Variants in SORCS2 observed in about 807,000 individuals in gnomAD.
The protein encoded by SORCS2 is VPS10 domain-containing receptor SorCS2.
A neutral mutation model predicts 141.6 loss-of-function variants in SORCS2; 100 were observed. That is an observed-to-expected ratio of 0.71 (90% CI 0.60 to 0.83). The LOEUF (loss-of-function observed/expected upper bound fraction) is 0.83. Ranked by LOEUF, SORCS2 falls within the 40% of genes least tolerant of loss-of-function variation. The pLI is 0.00. For missense variants in SORCS2, 1,646 were observed against 1,560.2 expected, an observed-to-expected ratio of 1.05 and a Z score of -0.93; for synonymous variants, 789 against 676.9, an observed-to-expected ratio of 1.17 and a Z score of -2.57.
rs57612829 is a variant in SORCS2, at chr4:7,692,040, C to T, written c.1591+2452C>T. Among the ~76,000 whole-genome samples the T allele has an allele frequency of 1.9e-3, 296 of 152,256 alleles. 1 individual carries two copies. The highest frequency in any genetic ancestry group is 6.8e-3 in the Middle Eastern group (2 of 294). ...GCAGGAGACTACACTTCTATTTTAT[C>T]CACTTCTATTCAGTCTTGGCCAGGG... On this transcript the variant is annotated intron_variant, in intron 11 of 26. Transcript: ENST00000507866.
intron 3 of SORCS2, among the ~76,000 whole-genome samples, chr4:7,634,243 G>A (rs1053028352): frequency 1.3e-5 from 2 of 152,050 alleles, no homozygotes; most frequent in South Asian, 2.1e-4. Context: ...GCATGGTGGC[G>A]GGCACCTGTA....
At chr4:7,569,422 G>T (rs1577767064) in intron 3 of SORCS2, among the ~76,000 whole-genome samples, 1 of 152,310 alleles carries the variant, frequency 6.6e-6, no homozygotes, top group Non-Finnish European at 1.5e-5. Flanking sequence ...TGGGGCAGGA[G>T]AATTGCTTGA....
chr4:7,298,423 G>A (rs1717217829), intron 1 of SORCS2, among the ~76,000 whole-genome samples: 1 of 152,180 alleles, frequency 6.6e-6, no homozygotes. Context: ...TGACATACAA[G>A]CAACAGTGCA....
In SORCS2 at chr4:7,663,280, AAGTGAGTGAGTGAATG is replaced by A. The variant is rs1395534986; in HGVS notation, c.953-1067_953-1052del. Reference sequence around the variant, plus strand: ...TGAATAAGTGAGTGAGTGAATGAATAAGTGAGTGAGTGAATGAGTGACTGAGTGAATGAATGAGTGA... The same window carrying A: ...TGAATAAGTGAGTGAGTGAATGAATAAGTGACTGAGTGAATGAATGAGTGA... On this transcript the variant is annotated intron_variant, in intron 6 of 26. Coordinates refer to ENST00000507866, the MANE Select transcript of SORCS2 (RefSeq NM_020777.3). The surrounding 1 kb of genome is among the most constrained non-coding windows in gnomAD (Gnocchi z 4.8). 1.1e-4 allele frequency among the ~76,000 whole-genome samples: 16 copies of A among 148,262 alleles called. No individual in the cohort carries two copies. Among genetic ancestry groups the A allele is most frequent in the Admixed American group, 6.7e-5 (1 of 14,960 alleles).
At chr4:7,377,985 C>T (rs1307984645) in intron 1 of SORCS2, among the ~76,000 whole-genome samples, 1 of 152,200 alleles carries the variant, frequency 6.6e-6, no homozygotes, top group Non-Finnish European at 1.5e-5. Flanking sequence ...TGATTTTCTT[C>T]TCTCCAAATA....
At chr4:7,738,551 G>A (rs574949142) in intron 26 of SORCS2, among the ~76,000 whole-genome samples, 40 of 152,252 alleles carry the variant, frequency 2.6e-4, no homozygotes, top group South Asian at 4.1e-4. Flanking sequence ...ACCTCTCACC[G>A]TTGCTGCGGG....
chr4:7,661,593 T>C, intron 6 of SORCS2, 29 bp downstream of exon 6: 1 of 1,548,852 alleles, frequency 6.5e-7, no homozygotes, highest in Non-Finnish European at 8.7e-7. Flanking sequence ...AGGCACCGGG[T>C]ATCCCTGAGT....
chr4:7,604,677 C>T (rs1254426614), intron 3 of SORCS2, among the ~76,000 whole-genome samples: 3 of 152,224 alleles, frequency 2.0e-5, no homozygotes, highest in Non-Finnish European at 1.5e-5. Context: ...GAAGAAGGTG[C>T]CTGCTTCCCC....
At chr4:7,481,678 A>G in intron 2 of SORCS2, among the ~76,000 whole-genome samples, 1 of 152,040 alleles carries the variant, frequency 6.6e-6, no homozygotes, top group East Asian at 1.9e-4. Context: ...GCCGTAGGGA[A>G]GGGTCTCCTG....
chr4:7,385,859 G>A (rs1205189075), intron 1 of SORCS2, among the ~76,000 whole-genome samples: 2 of 152,210 alleles, frequency 1.3e-5, no homozygotes, highest in African/African-American at 4.8e-5. Flanking sequence ...CTTGCTGGGG[G>A]AGAAAGGAAA....
rs1299998603 is a variant in SORCS2 at position 7,648,232 on chromosome 4, G to A, written c.814-5902G>A. ...GAGGAGGAAGACACGGAGGCTGGAG[G>A]AGCAGGGCTGGTTGAGAAAGGAGCC... On this transcript the variant is annotated intron_variant, in intron 4 of 26. Transcript: ENST00000507866. This position sits in a 1 kb window ranked among gnomAD's most constrained non-coding sequence, Gnocchi z 4.2. Among the ~76,000 whole-genome samples the A allele has an allele frequency of 1.3e-5, 2 of 152,128 alleles. No individual in the cohort carries two copies. The highest frequency in any genetic ancestry group is 1.3e-4 in the Admixed American group (2 of 15,276).
At chr4:7,448,081 A>T (rs1728116109) in intron 2 of SORCS2, among the ~76,000 whole-genome samples, 1 of 152,180 alleles carries the variant, frequency 6.6e-6, no homozygotes, top group Non-Finnish European at 1.5e-5. Context: ...TCCAGGAAAC[A>T]CATCCCTGTA....
intron 2 of SORCS2, among the ~76,000 whole-genome samples, chr4:7,495,841 C>T (rs1273405502): frequency 6.6e-6 from 1 of 152,222 alleles, no homozygotes; most frequent in Non-Finnish European, 1.5e-5. Context: ...AGACCAGGGG[C>T]CGCAGCCCCC....
intron 1 of SORCS2, among the ~76,000 whole-genome samples, chr4:7,348,954 G>A (rs960209592): frequency 3.3e-5 from 5 of 152,190 alleles, no homozygotes; most frequent in Admixed American, 2.0e-4. Context: ...TTTGGAGCAT[G>A]ATAGCAGCAT....
At chr4:7,230,536 G>T (rs1229438783) in intron 1 of SORCS2, among the ~76,000 whole-genome samples, 3 of 143,122 alleles carry the variant, frequency 2.1e-5, no homozygotes, top group Non-Finnish European at 4.6e-5. Flanking sequence ...AAGTCTTCCA[G>T]TGTCTGGGCA....
chr4:7,727,806 C>T (rs1727327695), intron 21 of SORCS2, among the ~76,000 whole-genome samples: 1 of 152,124 alleles, frequency 6.6e-6, no homozygotes, highest in Non-Finnish European at 1.5e-5. Flanking sequence ...CTCTGGAGCC[C>T]CTGGTGACTT....
chr4:7,319,675 C>G (rs1718777852), intron 1 of SORCS2, among the ~76,000 whole-genome samples: 1 of 152,170 alleles, frequency 6.6e-6, no homozygotes, highest in Admixed American at 6.5e-5. Flanking sequence ...GATCATGCCA[C>G]TGTACTCCAG....
rs138514459 is a variant in SORCS2 at position 7,655,504 on chromosome 4, C to T, written c.887+1297C>T. ...TGGGCAAGGGCCCTTCGTAATGTCA[C>T]GCTGACCGTGGCAGGAGACTGGCGT... On this transcript the variant is annotated intron_variant, in intron 5 of 26. Coordinates refer to ENST00000507866, the MANE Select transcript of SORCS2 (RefSeq NM_020777.3). Among the ~76,000 whole-genome samples, 48 of 152,376 alleles carry T rather than the reference C, an allele frequency of 3.2e-4. No homozygotes were observed. The East Asian group carries it at 7.5e-3, about 24-fold the overall frequency.
chr4:7,388,095 C>G (rs13109019), intron 1 of SORCS2, among the ~76,000 whole-genome samples: 27,551 of 148,762 alleles, frequency 0.19, 2,646 homozygotes, highest in African/African-American at 0.24. Context: ...CATGCACACA[C>G]ATGCATGCAC....
Sources: allele counts gnomAD v4.1 joint callset (sites outside exome capture counted in the v4.1 genomes callset), GRCh38; gene constraint gnomAD v4.1.1; non-coding constraint Gnocchi (gnomAD v3.1); transcripts MANE v1.5; gene names NCBI Gene and HGNC (gene_info 2026-07-23, HGNC 2026-07-21).